The following ATP2B2 variants were observed in gnomAD, a reference collection of about 807,000 sequenced individuals.
ATP2B2 encodes the protein ATPase plasma membrane Ca2+ transporting 2.
ATP2B2 carries 15 observed loss-of-function variants against 120.0 expected under a neutral mutation model. That is an observed-to-expected ratio of 0.12 (90% CI 0.08 to 0.19). ATP2B2 has a LOEUF of 0.19. Ranked by LOEUF, ATP2B2 falls within the 10% of genes least tolerant of loss-of-function variation. The probability of loss-of-function intolerance (pLI) is 1.00; values close to 1 mark genes in which losing one functional copy is unlikely to be tolerated. For synonymous variants in ATP2B2, 694 were observed against 700.3 expected (o/e 0.99, Z 0.14); for missense variants, 1,045 against 1,719.8 (o/e 0.61, Z 6.94).
At chr3:10,415,213 G>A (rs1032577781) in intron 2 of ATP2B2, among the ~76,000 whole-genome samples, 9 of 152,210 alleles carry the variant, frequency 5.9e-5, no homozygotes, top group Non-Finnish European at 1.2e-4. Flanking sequence ...ATTTTACAGG[G>A]TTAGGGTGAG....
At chr3:10,598,789 G>A (rs2068831559) in intron 2 of ATP2B2, among the ~76,000 whole-genome samples, 1 of 152,228 alleles carries the variant, frequency 6.6e-6, no homozygotes, top group African/African-American at 2.4e-5. Flanking sequence ...CAAGAGGAGG[G>A]CATTTCCAAG....
intron 14 of ATP2B2, among the ~76,000 whole-genome samples, chr3:10,352,636 T>TAAAA (rs1392298471): frequency 6.6e-6 from 1 of 152,218 alleles, no homozygotes; most frequent in East Asian, 1.9e-4. Flanking sequence ...GGGGGCCACG[T>TAAAA]GAGCAAGGCC....
chr3:10,622,020 C>A (rs2069565702), intron 1 of ATP2B2, among the ~76,000 whole-genome samples: 2 of 152,202 alleles, frequency 1.3e-5, no homozygotes, highest in South Asian at 4.1e-4. Context: ...GTCTGCTGAC[C>A]CTCTGTGGGC....
chr3:10,541,716 G>T (rs548215227), intron 2 of ATP2B2, among the ~76,000 whole-genome samples: 2 of 152,106 alleles, frequency 1.3e-5, no homozygotes, highest in South Asian at 2.1e-4. Context: ...TTCTGTGGGC[G>T]CTTGAAAACA....
chr3:10,516,814 A>G (rs1436133373), intron 3 of ATP2B2, among the ~76,000 whole-genome samples: 1 of 152,220 alleles, frequency 6.6e-6, no homozygotes, highest in African/African-American at 2.4e-5. Flanking sequence ...CCTCATCTGC[A>G]AAATGGAGAT....
intron 2 of ATP2B2, among the ~76,000 whole-genome samples, chr3:10,538,366 A>G (rs2067363766): frequency 6.6e-6 from 1 of 152,228 alleles, no homozygotes; most frequent in South Asian, 2.1e-4. Context: ...ATCCTCCCTA[A>G]TTCATTTTAT....
chr3:10,358,912 G>A lies in ATP2B2; in HGVS notation c.1915C>T (p.Leu639Phe), dbSNP rs1398265960. 1 of 1,613,788 alleles carries A rather than the reference G, an allele frequency of 6.2e-7. No homozygotes were observed. The highest frequency in any genetic ancestry group is 8.5e-7 in the Non-Finnish European group (1 of 1,180,020). Residue 639 changes from leucine (L) to phenylalanine (F), a missense_variant, in exon 14 of 23, where the codon CTC becomes TTC. Physicochemically the swap from Leu to Phe is conservative, Grantham distance 22 (BLOSUM62 0). This residue lies in a region of ATP2B2 where 343 missense variants were observed against 536.8 expected (regional missense o/e 0.64). Transcript: ENST00000360273. ...EIVLKKCCKI[L>F]NGAGEPRVFR... is the part of the protein sequence containing the mutation. ...ACACGAGGCTCTCCCGCCCCATTGA[G>A]GATTTTGCAGCACCTAGGGGAGGAT...
intron 2 of ATP2B2, among the ~76,000 whole-genome samples, chr3:10,611,830 G>A (rs898170877): frequency 2.0e-5 from 3 of 152,164 alleles, no homozygotes; most frequent in Non-Finnish European, 4.4e-5. Flanking sequence ...TTTCTCACCT[G>A]TAAAATGGAG....
chr3:10,384,544 C>A (rs2061618179), intron 8 of ATP2B2, among the ~76,000 whole-genome samples: 1 of 152,172 alleles, frequency 6.6e-6, no homozygotes, highest in South Asian at 2.1e-4. Flanking sequence ...GAATGGAACT[C>A]CTTCTTGCTT....
intron 1 of ATP2B2, among the ~76,000 whole-genome samples, chr3:10,626,989 C>T (rs1414100201): frequency 6.6e-6 from 1 of 152,016 alleles, no homozygotes; most frequent in Non-Finnish European, 1.5e-5. Flanking sequence ...CTGGGCTTCT[C>T]ATTTTGCTTT....
intron 2 of ATP2B2, among the ~76,000 whole-genome samples, chr3:10,562,942 C>T (rs2067934885): frequency 6.6e-6 from 1 of 152,162 alleles, no homozygotes; most frequent in South Asian, 2.1e-4. Flanking sequence ...AAACTCAAAA[C>T]CAAATTTAAA....
chr3:10,705,503 A>G (rs559713596), intron 1 of ATP2B2, among the ~76,000 whole-genome samples: 1 of 152,274 alleles, frequency 6.6e-6, no homozygotes, highest in Non-Finnish European at 1.5e-5. Context: ...GTCTGCTCCC[A>G]CTGCACATCT....
chr3:10,649,881 C>G (rs1017465557), intron 1 of ATP2B2, among the ~76,000 whole-genome samples: 1 of 152,224 alleles, frequency 6.6e-6, no homozygotes, highest in Non-Finnish European at 1.5e-5. Flanking sequence ...GTGAGACATG[C>G]CTTTCACCTT....
intron 18 of ATP2B2, among the ~76,000 whole-genome samples, chr3:10,344,446 T>C (rs2060371849): frequency 6.6e-6 from 1 of 152,148 alleles, no homozygotes; most frequent in South Asian, 2.1e-4. Flanking sequence ...GCCACCTATA[T>C]TCCCCCAGCG....
chr3:10,692,089 A>C (rs1455155311), intron 1 of ATP2B2, among the ~76,000 whole-genome samples: 1 of 152,130 alleles, frequency 6.6e-6, no homozygotes, highest in Non-Finnish European at 1.5e-5. Context: ...TAAATCAGAG[A>C]GAGAGAGAGA....
intron 2 of ATP2B2, among the ~76,000 whole-genome samples, chr3:10,575,405 C>G (rs183973094): frequency 6.6e-6 from 1 of 152,140 alleles, no homozygotes; most frequent in East Asian, 1.9e-4. Context: ...GGAAAATGAC[C>G]TCCTAGAGTT....
intron 6 of ATP2B2, among the ~76,000 whole-genome samples, chr3:10,387,651 A>G (rs142148715): frequency 6.6e-6 from 1 of 152,292 alleles, no homozygotes; most frequent in Non-Finnish European, 1.5e-5. Flanking sequence ...GTTCTGAGAG[A>G]CAGTTTTAGC....
intron 2 of ATP2B2, among the ~76,000 whole-genome samples, chr3:10,557,359 G>A (rs762875857): frequency 6.6e-6 from 1 of 152,264 alleles, no homozygotes; most frequent in Non-Finnish European, 1.5e-5. Context: ...TGCCAGATGG[G>A]CTTGGGTCTC....
intron 2 of ATP2B2, among the ~76,000 whole-genome samples, chr3:10,418,364 G>C (rs1174923405): frequency 6.6e-6 from 1 of 152,198 alleles, no homozygotes; most frequent in South Asian, 2.1e-4. Context: ...TGGGTTAGAG[G>C]TCAGAATGAA....
Sources: gnomAD v4.1 joint callset for allele counts (sites outside exome capture counted in the v4.1 genomes callset) on GRCh38, gnomAD v4.1.1 for gene constraint, gnomAD v4.1.1 regional missense constraint, MANE v1.5 for transcripts, NCBI Gene and HGNC (gene_info 2026-07-23, HGNC 2026-07-21) for gene names.